The following PDGFD variants were observed in gnomAD, a reference collection of about 807,000 sequenced individuals.
The protein encoded by PDGFD is platelet derived growth factor D, also known as platelet-derived growth factor D.
A neutral mutation model predicts 44.7 loss-of-function variants in PDGFD; 30 were observed. That is an observed-to-expected ratio of 0.67 (90% CI 0.50 to 0.91). The LOEUF (loss-of-function observed/expected upper bound fraction) is 0.91. PDGFD is among the 40% of genes least tolerant of loss of function. The probability of loss-of-function intolerance (pLI) is 0.00; values close to 1 mark genes in which losing one functional copy is unlikely to be tolerated. For synonymous variants in PDGFD, 173 were observed against 168.4 expected, an observed-to-expected ratio of 1.03 and a Z score of -0.21; for missense variants, 445 against 457.8, an observed-to-expected ratio of 0.97 and a Z score of 0.25.
intron 1 of PDGFD, among the ~76,000 whole-genome samples, chr11:104,123,811 T>C (rs118086117): frequency 0.016 from 2,360 of 152,192 alleles, 34 homozygotes; most frequent in Non-Finnish European, 0.024. Context: ...TACTTCTTTT[T>C]TCTGTTTTAG....
At chr11:104,117,724 A>T (rs1332810363) in intron 1 of PDGFD, among the ~76,000 whole-genome samples, 1 of 152,066 alleles carries the variant, frequency 6.6e-6, no homozygotes, top group African/African-American at 2.4e-5. Context: ...CTGCTAAAAG[A>T]AACTATAGAT....
intron 6 of PDGFD, among the ~76,000 whole-genome samples, chr11:103,925,716 C>CACACATATATATATATATATATATAT (rs1198529368): frequency 2.4e-5 from 3 of 122,758 alleles, no homozygotes; most frequent in African/African-American, 9.7e-5. Flanking sequence ...CACACACACA[C>CACACATATATATATATATATATATAT]ATATATATAT....
intron 1 of PDGFD, among the ~76,000 whole-genome samples, chr11:104,006,475 G>A (rs562287407): frequency 6.6e-6 from 1 of 152,328 alleles, no homozygotes; most frequent in East Asian, 1.9e-4. Flanking sequence ...CTGGGTAGAA[G>A]AGGGTAGTTC....
intron 1 of PDGFD, among the ~76,000 whole-genome samples, chr11:104,044,754 C>T (rs1002097340): frequency 3.9e-5 from 6 of 152,164 alleles, no homozygotes; most frequent in Non-Finnish European, 8.8e-5. Flanking sequence ...AACTGATATT[C>T]TTGGCCGGGC....
At position 104,144,543 on chromosome 11, in the gene PDGFD, A is replaced by C. The variant is rs190893820; in HGVS notation, c.124+19261T>G. 8.6e-3 allele frequency among the ~76,000 whole-genome samples: 1,223 copies of C among 142,230 alleles called. 6 individuals carry two copies. Among genetic ancestry groups the C allele is most frequent in the East Asian group, 0.016 (76 of 4,820 alleles). 93.3% of individuals were successfully genotyped at this position (142,230 alleles called of 152,430 possible). On this transcript the variant is annotated intron_variant, in intron 1 of 6. Transcript: ENST00000393158. ...AAAAAAAAAAACCCAACAAAACAAA[A>C]CAAACAAACAAAAAGGCCAAACTGA...
chr11:104,119,948 TAA>T (rs201606329), intron 1 of PDGFD, among the ~76,000 whole-genome samples: 1,662 of 138,636 alleles, frequency 0.012, 26 homozygotes, highest in East Asian at 0.066. Context: ...ATATAATATA[TAA>T]GTTATTATAT....
At position 104,000,111 on chromosome 11, in the gene PDGFD, C is replaced by T. The variant is rs199888010; in HGVS notation, c.269G>A (p.Arg90Gln). The T allele has an allele frequency of 1.1e-4, 177 of 1,614,046 alleles. No homozygotes were observed. The highest frequency in any genetic ancestry group is 3.1e-4 in the East Asian group (14 of 44,864). The change falls in exon 2 of 7, where the codon CGG becomes CAG. Residue 90 changes from arginine to glutamine, a missense_variant. Arg to Gln is a conservative substitution (Grantham distance 43). Coordinates refer to ENST00000393158, the MANE Select transcript of PDGFD (RefSeq NM_025208.5). ...TWRLHSQENT[R>Q]IQLVFDNQFG... ...CTGATTGTCAAACACTAGCTGTATC[C>T]GTGTATTCTCCTGAGAGTGAAGCCG...
intron 1 of PDGFD, among the ~76,000 whole-genome samples, chr11:104,117,285 A>G (rs895414519): frequency 1.3e-5 from 2 of 151,976 alleles, no homozygotes; most frequent in Non-Finnish European, 2.9e-5. Flanking sequence ...ATACTGAATG[A>G]AGAAAAGTTG....
At chr11:103,983,040 C>T (rs1859297180) in intron 3 of PDGFD, among the ~76,000 whole-genome samples, 2 of 151,820 alleles carry the variant, frequency 1.3e-5, no homozygotes, top group South Asian at 2.1e-4. Context: ...TTACCACTGA[C>T]ATTCTTCACA....
intron 1 of PDGFD, among the ~76,000 whole-genome samples, chr11:104,151,184 T>C (rs1326747289): frequency 1.3e-5 from 2 of 152,218 alleles, no homozygotes; most frequent in Middle Eastern, 3.4e-3. Context: ...TCTTTTTCTC[T>C]TTTCCTTCTT....
intron 1 of PDGFD, among the ~76,000 whole-genome samples, chr11:104,066,251 C>T (rs1268388346): frequency 6.6e-6 from 1 of 152,032 alleles, no homozygotes; most frequent in Non-Finnish European, 1.5e-5. Flanking sequence ...AATTATTATT[C>T]TGGGGCTCTA....
chr11:103,930,595 T>G (rs1175355095), intron 5 of PDGFD, among the ~76,000 whole-genome samples: 2 of 150,486 alleles, frequency 1.3e-5, no homozygotes, highest in East Asian at 3.9e-4. Flanking sequence ...AACCAGTCAG[T>G]GGTAGAGCCA....
At position 104,118,952 on chromosome 11, in the gene PDGFD, TATC is replaced by T. The variant is rs1861692231; in HGVS notation, c.124+44849_124+44851del. 9.9e-5 allele frequency among the ~76,000 whole-genome samples: 10 copies of T among 101,178 alleles called. 1 individual carries two copies. The highest frequency in any genetic ancestry group is 1.4e-4 in the Non-Finnish European group (8 of 56,816). The allele number at this position is 101,178 out of a possible 152,430, so 66.4% of individuals were successfully genotyped here. A position where few individuals can be genotyped will look rare whatever the true frequency, so the allele number is the denominator to read the frequency against. On this transcript the variant is annotated intron_variant, in intron 1 of 6. Transcript: ENST00000393158. ...TATTATAATATATATTATAATAATA[TATC>T]ATAATAAAACAATATAATAAAATAA... is the stretch of plus-strand genomic sequence containing the variant.
chr11:104,133,868 A>G (rs551300), intron 1 of PDGFD, among the ~76,000 whole-genome samples: 96,982 of 151,914 alleles, frequency 0.64, 31,335 homozygotes, highest in East Asian at 0.75. Context: ...TATTCTGTAT[A>G]CAGGGTTCAT....
intron 3 of PDGFD, among the ~76,000 whole-genome samples, chr11:103,969,185 T>A (rs1247406690): frequency 1.3e-5 from 2 of 152,240 alleles, no homozygotes; most frequent in East Asian, 3.8e-4. Flanking sequence ...TGATAAAGAA[T>A]GAATGAGCTC....
At chr11:104,144,946 T>A (rs1222954999) in intron 1 of PDGFD, among the ~76,000 whole-genome samples, 1 of 152,222 alleles carries the variant, frequency 6.6e-6, no homozygotes, top group African/African-American at 2.4e-5. Flanking sequence ...TGTAGTAAGA[T>A]ACAACTTTTA....
chr11:103,944,903 G>C (rs1029490804), intron 4 of PDGFD, among the ~76,000 whole-genome samples: 1 of 152,040 alleles, frequency 6.6e-6, no homozygotes, highest in Non-Finnish European at 1.5e-5. Context: ...AAGGGAGTTG[G>C]GTGAGAGGGT....
intron 1 of PDGFD, among the ~76,000 whole-genome samples, chr11:104,161,475 G>A (rs1238410097): frequency 2.6e-5 from 4 of 152,130 alleles, no homozygotes; most frequent in Non-Finnish European, 4.4e-5. Context: ...GTGTTGTCTA[G>A]AATTTTTCAT....
intron 1 of PDGFD, among the ~76,000 whole-genome samples, chr11:104,128,902 T>C (rs1214376036): frequency 3.3e-5 from 5 of 152,326 alleles, no homozygotes; most frequent in East Asian, 3.9e-4. Flanking sequence ...CTGCTCATAA[T>C]TCTTAATTAC....
Sources: allele counts gnomAD v4.1 joint callset (sites outside exome capture counted in the v4.1 genomes callset), GRCh38; gene constraint gnomAD v4.1.1; transcripts MANE v1.5; gene names NCBI Gene and HGNC (gene_info 2026-07-23, HGNC 2026-07-21).